The following HNMT variants were observed in gnomAD, a reference collection of about 807,000 sequenced individuals.
HNMT encodes the protein histamine N-methyltransferase.
A neutral mutation model predicts 32.1 loss-of-function variants in HNMT; 30 were observed. That is an observed-to-expected ratio of 0.93 (90% CI 0.70 to 1.27). HNMT has a LOEUF of 1.27. HNMT is among the 50% of genes most tolerant of loss of function. The probability of loss-of-function intolerance (pLI) is 0.00; values close to 1 mark genes in which losing one functional copy is unlikely to be tolerated. For synonymous variants in HNMT, 125 were observed against 119.0 expected (o/e 1.05, Z -0.33); for missense variants, 327 against 346.0 (o/e 0.95, Z 0.43).
Position 138,013,929 on chromosome 2 carries a change from A to G in HNMT, c.678A>G (p.Ile226Met), listed in dbSNP as rs1440142575. ...ATGACCTTTTGTCCACCATGGATATATCTGACTGCTTTATTGATGGTAATG... is the reference window on the plus strand; with the variant it reads ...ATGACCTTTTGTCCACCATGGATATGTCTGACTGCTTTATTGATGGTAATG... ...ECYDLLSTMD[I>M]SDCFIDGNEN... The change falls in exon 6 of 6, where the codon ATA becomes ATG. Residue 226 changes from isoleucine to methionine, a missense_variant. By Grantham distance (10) the Ile-to-Met change is conservative. Coordinates refer to ENST00000280097, the MANE Select transcript of HNMT (RefSeq NM_006895.3). The G allele has an allele frequency of 1.2e-6, 2 of 1,613,724 alleles. No homozygotes were observed. The highest frequency in any genetic ancestry group is 2.7e-5 in the African/African-American group (2 of 74,866).
At chr2:137,969,309 T>C (rs999891542) in intron 1 of HNMT, among the ~76,000 whole-genome samples, 8 of 152,244 alleles carry the variant, frequency 5.3e-5, no homozygotes, top group African/African-American at 1.7e-4. Context: ...AATCTACTTT[T>C]CTAGCACTGA....
At chr2:137,964,884 T>C (rs773320619) in intron 1 of HNMT, among the ~76,000 whole-genome samples, 2 of 152,174 alleles carry the variant, frequency 1.3e-5, no homozygotes, top group Non-Finnish European at 2.9e-5. Context: ...CGTTAACCAT[T>C]TGAAGGCACA....
Position 138,000,272 on chromosome 2 carries a change from T to C in HNMT, c.191-646T>C, listed in dbSNP as rs149869949. Among the ~76,000 whole-genome samples, 14 of 152,232 alleles carry C rather than the reference T, an allele frequency of 9.2e-5. No homozygotes were observed. In the East Asian group the frequency reaches 1.4e-3, roughly 15 times the overall value. On this transcript the variant is annotated intron_variant, in intron 2 of 5. Transcript: ENST00000280097. ...AGAGTTCATGAGTGATCTTCCCCCA[T>C]GAAGCATCATCACTCTGGCATCATC...
At chr2:137,981,708 C>G in intron 2 of HNMT, 1 of 292,646 alleles carries the variant, frequency 3.4e-6, no homozygotes, top group Non-Finnish European at 6.5e-6. Flanking sequence ...ATCTTTACAA[C>G]ACCTCTAACC....
At chr2:138,002,242 A>C (rs1681196135) in intron 4 of HNMT, 48 bp downstream of exon 4, 1 of 1,267,952 alleles carries the variant, frequency 7.9e-7, no homozygotes, top group Non-Finnish European at 1.1e-6. Context: ...GACTTTTCAG[A>C]ATATATATAT....
At chr2:138,008,689 T>G (rs1273344551) in intron 5 of HNMT, among the ~76,000 whole-genome samples, 1 of 151,980 alleles carries the variant, frequency 6.6e-6, no homozygotes, top group Non-Finnish European at 1.5e-5. Flanking sequence ...GACTTCCTAT[T>G]CAATAAATGG....
chr2:137,986,951 T>C (rs917471939), intron 2 of HNMT, among the ~76,000 whole-genome samples: 1 of 152,044 alleles, frequency 6.6e-6, no homozygotes, highest in Admixed American at 6.6e-5. Context: ...TACATCATCA[T>C]CACAAGCACA....
At position 138,000,955 on chromosome 2, in the gene HNMT, T is replaced by C. The variant is rs747523658; in HGVS notation, c.228T>C (p.Ala76=). The change falls in exon 3 of 6, where the codon GCT becomes GCC. Residue 76 remains alanine (A), a synonymous_variant. Coordinates refer to ENST00000280097, the MANE Select transcript of HNMT (RefSeq NM_006895.3). Reference sequence around the variant, plus strand: ...TTCAAATTCTCTCCAAAGTTCAGGCTCAATACCCAGGAGTTTGTATCAACA... The same window carrying C: ...TTCAAATTCTCTCCAAAGTTCAGGCCCAATACCCAGGAGTTTGTATCAACA... The part of the protein sequence containing the change: ...IDLQILSKVQ[A]QYPGVCINNE... The C allele has an allele frequency of 4.4e-6, 7 of 1,608,504 alleles. No individual in the cohort carries two copies. The Admixed American group carries it at 1.0e-4, about 23-fold the overall frequency.
At chr2:138,011,944 C>A (rs945904550) in intron 5 of HNMT, among the ~76,000 whole-genome samples, 1 of 152,108 alleles carries the variant, frequency 6.6e-6, no homozygotes, top group African/African-American at 2.4e-5. Flanking sequence ...AGGCTTCATA[C>A]TCAGGCAGTT....
At chr2:137,968,795 C>T (rs1017154024) in intron 1 of HNMT, among the ~76,000 whole-genome samples, 13 of 152,264 alleles carry the variant, frequency 8.5e-5, no homozygotes, top group Middle Eastern at 3.4e-3. Flanking sequence ...CCTTTAGAAC[C>T]TTACTTCAAT....
chr2:138,013,926 T>C lies in HNMT; in HGVS notation c.675T>C (p.Asp225=), dbSNP rs202014452. 3.1e-6 allele frequency: 5 copies of C among 1,613,814 alleles called. No homozygotes were observed. In the East Asian group the frequency reaches 1.1e-4, roughly 36 times the overall value. ...GCTATGACCTTTTGTCCACCATGGA[T>C]ATATCTGACTGCTTTATTGATGGTA... ...YECYDLLSTM[D]ISDCFIDGNE... is the part of the protein sequence containing the mutation. Residue 225 remains aspartate, a synonymous_variant, in exon 6 of 6, where the codon GAT becomes GAC. Transcript: ENST00000280097.
intron 5 of HNMT, among the ~76,000 whole-genome samples, chr2:138,012,953 G>A (rs1681553899): frequency 6.6e-6 from 1 of 151,832 alleles, no homozygotes. Flanking sequence ...CCCCACCTCT[G>A]CCCTTATGCG....
intron 2 of HNMT, among the ~76,000 whole-genome samples, chr2:137,994,585 A>G (rs572888762): frequency 3.1e-4 from 47 of 152,322 alleles, no homozygotes; most frequent in African/African-American, 1.1e-3. Flanking sequence ...GGAGATTTTA[A>G]CACCCCACTG....
intron 2 of HNMT, among the ~76,000 whole-genome samples, chr2:137,984,604 C>A (rs377759813): frequency 7.6e-4 from 115 of 152,170 alleles, no homozygotes; most frequent in Middle Eastern, 3.4e-3. Context: ...ATGCAAAATT[C>A]CCAAATTAGT....
rs537674138 is a variant in HNMT, at chr2:138,013,833, C to T, written c.582C>T (p.Asp194=). ...ACGGATCACGCTTTCCCCAGGATGA[C>T]CTCTGCCAGTATATCACATCAGATG... ...KKYGSRFPQD[D]LCQYITSDDL... The change falls in exon 6 of 6, where the codon GAC becomes GAT. Residue 194 remains aspartate, a synonymous_variant. Coordinates refer to ENST00000280097, the MANE Select transcript of HNMT (RefSeq NM_006895.3). The T allele has an allele frequency of 2.5e-6, 4 of 1,613,566 alleles. No individual in the cohort carries two copies. In the South Asian group the frequency reaches 3.3e-5, roughly 13 times the overall value.
chr2:138,002,200 A>G lies in HNMT; in HGVS notation c.429+6A>G, dbSNP rs1014961634. On this transcript the variant is annotated splice_donor_region_variant and intron_variant, in intron 4 of 5. Coordinates refer to ENST00000280097, the MANE Select transcript of HNMT (RefSeq NM_006895.3). The stretch of plus-strand genomic sequence containing the variant: ...ACTTTATTCATATGATTCAAGTAAG[A>G]AATATGTATTATAATATATACTCAG... The G allele has an allele frequency of 2.0e-6, 3 of 1,520,466 alleles. No homozygotes were observed. In the African/African-American group the frequency reaches 4.2e-5, roughly 21 times the overall value. The allele number at this position is 1,520,466 out of a possible 1,614,324, so 94.2% of individuals were successfully genotyped here.
intron 1 of HNMT, among the ~76,000 whole-genome samples, chr2:137,965,553 C>A (rs1679931310): frequency 6.6e-6 from 1 of 152,040 alleles, no homozygotes; most frequent in African/African-American, 2.4e-5. Context: ...ATTTTATTTC[C>A]TTTTCTATTT....
rs1239684558 is a variant in HNMT at position 137,973,846 on chromosome 2, T to C, written c.190+3629T>C. 4.6e-5 allele frequency among the ~76,000 whole-genome samples: 7 copies of C among 152,004 alleles called. No individual in the cohort carries two copies. The East Asian group carries it at 1.4e-3, about 29-fold the overall frequency. On this transcript the variant is annotated intron_variant, in intron 2 of 5. Coordinates refer to ENST00000280097, the MANE Select transcript of HNMT (RefSeq NM_006895.3). ...AGGGAGGGGATGCACATATGCCCTA[T>C]CGATTAGCCTCTCCTCTTGAGTCTG...
intron 2 of HNMT, chr2:137,981,716 AC>A (rs1680506006): frequency 3.9e-6 from 1 of 259,410 alleles, no homozygotes; most frequent in Non-Finnish European, 7.5e-6. Flanking sequence ...AACACCTCTA[AC>A]CCTATAACAT....
Sources: gnomAD v4.1 joint callset for allele counts (sites outside exome capture counted in the v4.1 genomes callset) on GRCh38, gnomAD v4.1.1 for gene constraint, MANE v1.5 for transcripts, NCBI Gene and HGNC (gene_info 2026-07-23, HGNC 2026-07-21) for gene names.